DAB1: variants seen among roughly 807,000 people sequenced by gnomAD.
The protein encoded by DAB1 is DAB adaptor protein 1, also known as disabled homolog 1.
DAB1 carries 15 observed loss-of-function variants against 64.6 expected under a neutral mutation model. That is an observed-to-expected ratio of 0.23 (90% CI 0.16 to 0.36). The LOEUF is 0.36. Among genes scored for constraint, DAB1 ranks in the 10% least tolerant of loss-of-function variants. The probability of loss-of-function intolerance (pLI) is 1.00; values close to 1 mark genes in which losing one functional copy is unlikely to be tolerated. For synonymous variants in DAB1, 235 were observed against 251.9 expected (o/e 0.93, Z 0.64); for missense variants, 596 against 706.7 (o/e 0.84, Z 1.78).
chr1:57,053,642 A>C (rs1570600621), intron 9 of DAB1, among the ~76,000 whole-genome samples: 4 of 126,304 alleles, frequency 3.2e-5, no homozygotes, highest in South Asian at 2.6e-4. Context: ...CCATCTAAGA[A>C]TCTCTCTCTC....
At chr1:57,705,836 T>C (rs1028087253) in intron 6 of DAB1, among the ~76,000 whole-genome samples, 1 of 151,610 alleles carries the variant, frequency 6.6e-6, no homozygotes. Context: ...TAGTACTTAA[T>C]ACGTATCTTT....
intron 3 of DAB1, among the ~76,000 whole-genome samples, chr1:58,405,250 GTCACC>G (rs1644604746): frequency 6.6e-6 from 1 of 152,158 alleles, no homozygotes; most frequent in Non-Finnish European, 1.5e-5. Context: ...TCCTTCAGAT[GTCACC>G]CCTCAAAGAC....
intron 4 of DAB1, among the ~76,000 whole-genome samples, chr1:58,180,281 C>CTTTTTTTTTTTTCT (rs1656710462): frequency 1.6e-5 from 1 of 61,004 alleles, no homozygotes; most frequent in Non-Finnish European, 2.9e-5. Context: ...TTTTTCTTTT[C>CTTTTTTTTTTTTCT]TTTTTTTTTT....
chr1:57,137,781 C>G (rs571592665), intron 3 of DAB1, among the ~76,000 whole-genome samples: 12 of 152,238 alleles, frequency 7.9e-5, no homozygotes, highest in African/African-American at 2.9e-4. Context: ...CTATTCTCAG[C>G]ATCAGTTTTG....
chr1:57,955,440 GA>G (rs1257883470), intron 5 of DAB1, among the ~76,000 whole-genome samples: 2 of 152,162 alleles, frequency 1.3e-5, no homozygotes, highest in East Asian at 3.9e-4. Context: ...CAAGAGCAGA[GA>G]AAGACCCTTA....
chr1:58,344,621 ACT>A lies in DAB1; in HGVS notation n.258-1220_258-1219del, dbSNP rs1643974894. Among the ~76,000 whole-genome samples, 3 of 152,148 alleles carry A rather than the reference ACT, an allele frequency of 2.0e-5. 1 individual carries two copies. The South Asian group carries it at 6.2e-4, about 32-fold the overall frequency. On this transcript the variant is annotated intron_variant and non_coding_transcript_variant, in intron 3 of 20. Transcript: ENST00000485760. ...CCGAAAAGCCCCTTCTGGATATAAA[ACT>A]CTGCATATCAAGAAGAAACATAATG...
chr1:57,693,925 T>C, intron 6 of DAB1, among the ~76,000 whole-genome samples: 1 of 152,184 alleles, frequency 6.6e-6, no homozygotes, highest in East Asian at 1.9e-4. Context: ...TTTAGTTTGT[T>C]GATTATTTCC....
At chr1:58,389,702 G>T (rs991217917) in intron 3 of DAB1, among the ~76,000 whole-genome samples, 5 of 152,182 alleles carry the variant, frequency 3.3e-5, no homozygotes, top group Non-Finnish European at 7.4e-5. Context: ...AACCTGCACA[G>T]ATTCATTATT....
intron 3 of DAB1, among the ~76,000 whole-genome samples, chr1:58,355,334 C>T (rs770518966): frequency 3.3e-5 from 5 of 152,148 alleles, no homozygotes; most frequent in Non-Finnish European, 7.3e-5. Context: ...CTATATTGTT[C>T]AATCTTTAAT....
At chr1:58,065,985 C>CA (rs1648833086) in intron 5 of DAB1, among the ~76,000 whole-genome samples, 1 of 152,206 alleles carries the variant, frequency 6.6e-6, no homozygotes, top group Non-Finnish European at 1.5e-5. Context: ...GCTGTCTGCC[C>CA]ACTGCACTCT....
intron 3 of DAB1, among the ~76,000 whole-genome samples, chr1:58,473,560 AT>A (rs1557431467): frequency 3.8e-4 from 54 of 143,186 alleles, no homozygotes; most frequent in African/African-American, 1.1e-3. Context: ...AAATAAATAA[AT>A]AAATAAATAA....
intron 4 of DAB1, among the ~76,000 whole-genome samples, chr1:58,335,313 T>C (rs183233844): frequency 4.8e-4 from 73 of 152,310 alleles, no homozygotes; most frequent in African/African-American, 1.7e-3. Flanking sequence ...AAGAATTAAA[T>C]GAGGGTGGAG....
At chr1:57,838,110 C>G (rs1220223508) in intron 1 of DAB1, among the ~76,000 whole-genome samples, 3 of 152,116 alleles carry the variant, frequency 2.0e-5, no homozygotes, top group Non-Finnish European at 4.4e-5. Context: ...AGAATCCAGA[C>G]TCTTAAGTAT....
At chr1:57,517,718 C>T (rs985407196) in intron 7 of DAB1, among the ~76,000 whole-genome samples, 1 of 152,162 alleles carries the variant, frequency 6.6e-6, no homozygotes, top group Non-Finnish European at 1.5e-5. Context: ...AACAGAAATC[C>T]CCATAGCTAT....
At chr1:57,527,755 T>C (rs1023038532) in intron 7 of DAB1, among the ~76,000 whole-genome samples, 6 of 152,150 alleles carry the variant, frequency 3.9e-5, no homozygotes, top group African/African-American at 1.2e-4. Flanking sequence ...TTGTTTAAGA[T>C]AGGGTCAGGG....
intron 7 of DAB1, among the ~76,000 whole-genome samples, chr1:57,536,553 A>G (rs899953317): frequency 6.6e-6 from 1 of 152,114 alleles, no homozygotes. Flanking sequence ...TGCCTGAGGC[A>G]GTATCTCAAT....
chr1:57,463,275 A>T (rs1052357232), intron 7 of DAB1, among the ~76,000 whole-genome samples: 3 of 152,214 alleles, frequency 2.0e-5, no homozygotes, highest in Non-Finnish European at 4.4e-5. Flanking sequence ...TGCAAGGTTT[A>T]GAGCGAAGTG....
intron 5 of DAB1, among the ~76,000 whole-genome samples, chr1:57,917,818 C>T (rs969866280): frequency 3.3e-5 from 5 of 152,176 alleles, no homozygotes; most frequent in African/African-American, 1.2e-4. Flanking sequence ...CCCATGCTCA[C>T]ATTGATGCTA....
chr1:58,162,080 C>G (rs1002334722), intron 4 of DAB1, among the ~76,000 whole-genome samples: 2 of 151,834 alleles, frequency 1.3e-5, no homozygotes, highest in African/African-American at 4.8e-5. Flanking sequence ...TAACAATGTT[C>G]GGTGATAGAT....
Sources: gnomAD v4.1 joint callset for allele counts (sites outside exome capture counted in the v4.1 genomes callset) on GRCh38, gnomAD v4.1.1 for gene constraint, MANE v1.5 for transcripts, NCBI Gene and HGNC (gene_info 2026-07-23, HGNC 2026-07-21) for gene names.